PDE1A: variants seen among roughly 807,000 people sequenced by gnomAD.
The protein encoded by PDE1A is phosphodiesterase 1A, also known as dual specificity calcium/calmodulin-dependent 3',5'-cyclic nucleotide phosphodiesterase 1A.
PDE1A carries 35 observed loss-of-function variants against 61.7 expected under a neutral mutation model. That is an observed-to-expected ratio of 0.57 (90% CI 0.43 to 0.75). PDE1A has a LOEUF of 0.75. Ranked by LOEUF, PDE1A falls within the 30% of genes least tolerant of loss-of-function variation. PDE1A has a pLI of 0.00. For synonymous variants in PDE1A, 232 were observed against 213.2 expected (o/e 1.09, Z -0.77); for missense variants, 597 against 630.6 (o/e 0.95, Z 0.57).
At chr2:182,215,513 C>G (rs1025639302) in intron 7 of PDE1A, among the ~76,000 whole-genome samples, 2 of 151,294 alleles carry the variant, frequency 1.3e-5, no homozygotes, top group African/African-American at 2.4e-5. Flanking sequence ...ATTGACAGAC[C>G]GCTAGCAAGA....
At chr2:182,701,430 G>A in the PDE1A span, among the ~76,000 whole-genome samples, 6 of 150,054 alleles carry the variant, frequency 4.0e-5, no homozygotes, top group Non-Finnish European at 7.4e-5. Flanking sequence ...GCCCAGGCTG[G>A]AGTGCAGTGG....
chr2:182,677,218 A>G, the PDE1A span, among the ~76,000 whole-genome samples: 1 of 152,246 alleles, frequency 6.6e-6, no homozygotes, highest in East Asian at 1.9e-4. Flanking sequence ...GCAAAGCTTC[A>G]GGATACAAAA....
At chr2:182,707,483 A>T in the PDE1A span, among the ~76,000 whole-genome samples, 1 of 152,218 alleles carries the variant, frequency 6.6e-6, no homozygotes, top group Non-Finnish European at 1.5e-5. Context: ...ATGCTAAAAG[A>T]TAATAAAGGA....
chr2:182,532,176 C>T, the PDE1A span, among the ~76,000 whole-genome samples: 1 of 151,952 alleles, frequency 6.6e-6, no homozygotes, highest in African/African-American at 2.4e-5. Flanking sequence ...TGTTCTATAA[C>T]GCTGTAGGAT....
chr2:182,215,622 A>G (rs1257213995), intron 7 of PDE1A, among the ~76,000 whole-genome samples: 1 of 135,888 alleles, frequency 7.4e-6, no homozygotes, highest in Non-Finnish European at 1.6e-5. Context: ...CTACCATCAG[A>G]GAATACTACA....
the PDE1A span, among the ~76,000 whole-genome samples, chr2:182,611,674 C>A: frequency 6.6e-6 from 1 of 151,632 alleles, no homozygotes; most frequent in East Asian, 1.9e-4. Flanking sequence ...GCTTTTACAG[C>A]ATTCTTTAGT....
chr2:182,648,763 TA>T, the PDE1A span, among the ~76,000 whole-genome samples: 2 of 150,626 alleles, frequency 1.3e-5, no homozygotes, highest in African/African-American at 4.9e-5. Flanking sequence ...TTAATTTAAA[TA>T]AACACCAACA....
intron 2 of PDE1A, among the ~76,000 whole-genome samples, chr2:182,479,841 C>CT (rs1687597380): frequency 6.6e-6 from 1 of 151,762 alleles, no homozygotes; most frequent in Non-Finnish European, 1.5e-5. Flanking sequence ...TGGTAAAAGA[C>CT]TTTACCTGCA....
At chr2:182,188,879 A>C in intron 11 of PDE1A, 100 bp downstream of exon 11, 1 of 731,858 alleles carries the variant, frequency 1.4e-6, no homozygotes, top group Non-Finnish European at 2.4e-6. Flanking sequence ...ATATGGAGTG[A>C]GGTTTTCATG....
At chr2:182,614,553 C>CTT in the PDE1A span, among the ~76,000 whole-genome samples, 49 of 112,604 alleles carry the variant, frequency 4.4e-4, no homozygotes, top group African/African-American at 6.5e-4. Context: ...ACTAGCATAT[C>CTT]TTTTTTTTTT....
intron 1 of PDE1A, among the ~76,000 whole-genome samples, chr2:182,264,866 GGTATATATATACATATATATATATAT>G (rs1256805150): frequency 5.3e-5 from 2 of 37,608 alleles, no homozygotes; most frequent in Non-Finnish European, 9.7e-5. Context: ...AAGAAAATGT[GGTATATATATACATATATATATATAT>G]GTATATATAT....
At chr2:182,307,909 T>C (rs1213775801) in intron 1 of PDE1A, among the ~76,000 whole-genome samples, 2 of 151,958 alleles carry the variant, frequency 1.3e-5, no homozygotes, top group Admixed American at 6.6e-5. Context: ...AAGTTGTTGG[T>C]GAGGGTGTGG....
downstream of PDE1A, among the ~76,000 whole-genome samples, chr2:182,167,156 T>C (rs371529179): frequency 3.9e-5 from 6 of 152,248 alleles, no homozygotes; most frequent in East Asian, 9.7e-4. Context: ...TTGACTGTCA[T>C]GGAAACTTCC....
the PDE1A span, among the ~76,000 whole-genome samples, chr2:182,655,850 C>T: frequency 6.6e-6 from 1 of 152,194 alleles, no homozygotes; most frequent in Non-Finnish European, 1.5e-5. Flanking sequence ...AGGAAACCTG[C>T]CAAGGCTTCT....
intron 2 of PDE1A, among the ~76,000 whole-genome samples, chr2:182,440,218 C>T (rs1684699930): frequency 6.6e-6 from 1 of 151,998 alleles, no homozygotes; most frequent in South Asian, 2.1e-4. Context: ...GGTCACTAGT[C>T]TACATATTTT....
intron 2 of PDE1A, among the ~76,000 whole-genome samples, chr2:182,442,183 C>CA (rs1684840145): frequency 1.3e-5 from 2 of 152,000 alleles, no homozygotes; most frequent in South Asian, 2.1e-4. Context: ...CCCAATATCA[C>CA]AAAAACAAAT....
intron 2 of PDE1A, among the ~76,000 whole-genome samples, chr2:182,259,196 G>A (rs1692050854): frequency 6.6e-6 from 1 of 152,084 alleles, no homozygotes; most frequent in African/African-American, 2.4e-5. Context: ...CCAAATTAAG[G>A]ATCCCTAGAT....
chr2:182,626,535 T>C, the PDE1A span, among the ~76,000 whole-genome samples: 35 of 151,232 alleles, frequency 2.3e-4, no homozygotes, highest in Admixed American at 9.3e-4. Flanking sequence ...ATATTAATCC[T>C]TACACTGGTA....
chr2:182,560,100 A>T, the PDE1A span, among the ~76,000 whole-genome samples: 2 of 150,896 alleles, frequency 1.3e-5, no homozygotes, highest in Non-Finnish European at 3.0e-5. Flanking sequence ...TTTAGGGTAC[A>T]TGTGCACAAT....
Sources: allele counts gnomAD v4.1 joint callset (sites outside exome capture counted in the v4.1 genomes callset), GRCh38; gene constraint gnomAD v4.1.1; transcripts MANE v1.5; gene names NCBI Gene and HGNC (gene_info 2026-07-23, HGNC 2026-07-21).